The following BLTP1 variants were observed in gnomAD, a reference collection of about 807,000 sequenced individuals.
BLTP1 encodes bridge-like lipid transfer protein family member 1.
chr4:122,182,588 T>G, the BLTP1 span: 2 of 934,102 alleles, frequency 2.1e-6, no homozygotes, highest in African/African-American at 1.8e-5. Context: ...GCATGCTCCT[T>G]GAGGAATAAG....
At chr4:122,224,445 A>G in the BLTP1 span, 1 of 1,553,442 alleles carries the variant, frequency 6.4e-7, no homozygotes, top group Admixed American at 1.9e-5. Flanking sequence ...ACAACTAGAA[A>G]TTATAATGTG....
chr4:122,319,655 C>T, the BLTP1 span, among the ~76,000 whole-genome samples: 4 of 151,636 alleles, frequency 2.6e-5, no homozygotes, highest in South Asian at 2.1e-4. Context: ...AGTTCTCTCC[C>T]TCAGCCTCCC....
the BLTP1 span, chr4:122,194,513 G>A: frequency 1.1e-6 from 1 of 883,084 alleles, no homozygotes; most frequent in African/African-American, 1.8e-5. Flanking sequence ...GAAAATGAGA[G>A]ATTTTACATT....
chr4:122,219,654 A>C, the BLTP1 span: 1 of 882,186 alleles, frequency 1.1e-6, no homozygotes, highest in South Asian at 1.9e-5. Context: ...ACACTTAGAA[A>C]AAGAAAATCA....
the BLTP1 span, chr4:122,229,992 G>A: frequency 7.4e-6 from 12 of 1,614,010 alleles, no homozygotes; most frequent in Non-Finnish European, 1.0e-5. Flanking sequence ...GAAGGAATCA[G>A]TGCTGCAATT....
chr4:122,326,166 A>T, the BLTP1 span, among the ~76,000 whole-genome samples: 2 of 151,828 alleles, frequency 1.3e-5, no homozygotes, highest in South Asian at 4.1e-4. Flanking sequence ...CATAAAAAAA[A>T]CTACAATTTA....
At chr4:122,200,856 A>G in the BLTP1 span, 15 of 820,134 alleles carry the variant, frequency 1.8e-5, no homozygotes, top group Non-Finnish European at 2.2e-5. Context: ...ACCTTCAGCC[A>G]CAGCAATATT....
At chr4:122,359,244 T>A in the BLTP1 span, 2 of 755,446 alleles carry the variant, frequency 2.6e-6, no homozygotes, top group African/African-American at 1.9e-5. Context: ...ATAATAATAA[T>A]AAAATAAAAA....
the BLTP1 span, chr4:122,207,976 A>T: frequency 1.0e-6 from 1 of 984,550 alleles, no homozygotes; most frequent in Non-Finnish European, 1.2e-6. Flanking sequence ...TTGATTCTTA[A>T]TTGTAAACAT....
chr4:122,224,414 C>T, the BLTP1 span: 1 of 1,385,066 alleles, frequency 7.2e-7, no homozygotes, highest in Non-Finnish European at 9.8e-7. Context: ...TTGTTCATCT[C>T]TGCAGGGGGT....
the BLTP1 span, chr4:122,188,824 T>G: frequency 2.7e-6 from 1 of 376,434 alleles, no homozygotes; most frequent in Non-Finnish European, 3.6e-6. Context: ...GCTTTTATCT[T>G]TGTGTGTAGG....
At chr4:122,162,410 C>G in the BLTP1 span, 15 of 398,208 alleles carry the variant, frequency 3.8e-5, no homozygotes, top group African/African-American at 2.8e-4. Context: ...TTCAGAGGAG[C>G]CATGAAGCCC....
the BLTP1 span, chr4:122,299,858 GAAGAA>G: frequency 2.0e-6 from 2 of 984,736 alleles, no homozygotes; most frequent in African/African-American, 1.7e-5. Context: ...ATTATAAGTT[GAAGAA>G]AAGAAAATGT....
At chr4:122,334,327 T>C in the BLTP1 span, 1 of 1,494,520 alleles carries the variant, frequency 6.7e-7, no homozygotes, top group Non-Finnish European at 9.3e-7. Flanking sequence ...TTTAAAAGTT[T>C]ATTTATTTCA....
the BLTP1 span, chr4:122,175,710 G>A: frequency 5.0e-6 from 3 of 595,180 alleles, no homozygotes; most frequent in African/African-American, 5.7e-5. Flanking sequence ...GAAAAGATGT[G>A]TGTTTATGTA....
the BLTP1 span, among the ~76,000 whole-genome samples, chr4:122,321,099 C>T: frequency 1.3e-5 from 2 of 150,788 alleles, no homozygotes; most frequent in African/African-American, 4.9e-5. Context: ...GTCAAAATGA[C>T]TTATGATATC....
chr4:122,349,197 A>T, the BLTP1 span: 1 of 1,612,776 alleles, frequency 6.2e-7, no homozygotes, highest in Non-Finnish European at 8.5e-7. The surrounding 1 kb of genome is among the most constrained non-coding windows in gnomAD (Gnocchi z 4.5). Context: ...GCCGTCTGTC[A>T]GTAGGAAGTA....
At chr4:122,154,230 C>T in the BLTP1 span, 4 of 752,272 alleles carry the variant, frequency 5.3e-6, no homozygotes, top group East Asian at 3.3e-4. Context: ...GGCTGGAGTG[C>T]AGTGGTGCGA....
the BLTP1 span, chr4:122,291,812 TA>T: frequency 1.0e-6 from 1 of 979,844 alleles, no homozygotes; most frequent in Non-Finnish European, 1.2e-6. Flanking sequence ...TATGGTTCCA[TA>T]AGCTAAAATT....
Sources: allele counts gnomAD v4.1 joint callset (sites outside exome capture counted in the v4.1 genomes callset), GRCh38; gene constraint gnomAD v4.1.1; non-coding constraint Gnocchi (gnomAD v3.1); transcripts MANE v1.5; gene names NCBI Gene and HGNC (gene_info 2026-07-23, HGNC 2026-07-21).